The following HELZ variants were observed in gnomAD, a reference collection of about 807,000 sequenced individuals.
HELZ encodes the protein ATP-dependent RNA helicase with zinc finger domain.
A neutral mutation model predicts 218.2 loss-of-function variants in HELZ; 23 were observed. The observed-to-expected ratio is 0.11, with a 90% CI of 0.08 to 0.15. The LOEUF (loss-of-function observed/expected upper bound fraction) is 0.15. Among genes scored for constraint, HELZ ranks in the 10% least tolerant of loss-of-function variants. HELZ has a pLI of 1.00. For synonymous variants in HELZ, 814 were observed against 829.4 expected (o/e 0.98, Z 0.32); for missense variants, 1,813 against 2,353.7 (o/e 0.77, Z 4.75).
At chr17:67,235,960 T>C (rs545445351) in intron 3 of HELZ, among the ~76,000 whole-genome samples, 128 of 152,006 alleles carry the variant, frequency 8.4e-4, no homozygotes, top group South Asian at 4.1e-3. Flanking sequence ...CGGGGTTTCA[T>C]CGTGTTAGCC....
chr17:67,194,865 C>T (rs1174552324), intron 8 of HELZ, among the ~76,000 whole-genome samples: 2 of 152,176 alleles, frequency 1.3e-5, no homozygotes, highest in African/African-American at 4.8e-5. Flanking sequence ...TTTAGGGCAA[C>T]TCATAAACCT....
chr17:67,191,041 A>G (rs1306920638), intron 9 of HELZ, among the ~76,000 whole-genome samples: 2 of 150,498 alleles, frequency 1.3e-5, no homozygotes, highest in African/African-American at 2.5e-5. Context: ...ACTGACATCA[A>G]GTGGATTTGC....
chr17:67,125,056 A>T (rs773336091), intron 24 of HELZ, among the ~76,000 whole-genome samples: 4 of 151,618 alleles, frequency 2.6e-5, no homozygotes, highest in Non-Finnish European at 5.9e-5. Context: ...TGACAAAAGC[A>T]AAAATACAAT....
At chr17:67,183,458 T>C (rs1040924587) in intron 12 of HELZ, among the ~76,000 whole-genome samples, 13 of 152,246 alleles carry the variant, frequency 8.5e-5, no homozygotes, top group Admixed American at 2.6e-4. Context: ...TATGTAGATA[T>C]ATAATATGTT....
chr17:67,161,142 G>T, intron 15 of HELZ, 66 bp from the exon 16 acceptor site: 1 of 1,219,476 alleles, frequency 8.2e-7, no homozygotes, highest in African/African-American at 1.5e-5. Flanking sequence ...TAACACACGA[G>T]TATCGTGAAT....
chr17:67,222,731 A>C (rs2040780602), intron 3 of HELZ, among the ~76,000 whole-genome samples: 1 of 152,230 alleles, frequency 6.6e-6, no homozygotes. Flanking sequence ...CATAAAAGCA[A>C]AACTGTCTGT....
chr17:67,103,991 G>T (rs1228869788), intron 31 of HELZ, among the ~76,000 whole-genome samples: 2 of 152,136 alleles, frequency 1.3e-5, no homozygotes, highest in East Asian at 3.8e-4. Flanking sequence ...TATTCAATGG[G>T]GGAAAGGAGT....
upstream of HELZ, chr17:67,245,232 CT>C: frequency 1.0e-6 from 1 of 985,186 alleles, no homozygotes; most frequent in Non-Finnish European, 1.2e-6. Flanking sequence ...TTTAAAGTGA[CT>C]CCCCCCGGCC....
At chr17:67,138,627 C>G (rs941167474) in intron 21 of HELZ, among the ~76,000 whole-genome samples, 1 of 152,186 alleles carries the variant, frequency 6.6e-6, no homozygotes, top group African/African-American at 2.4e-5. Flanking sequence ...CCAACAGCCA[C>G]CAATTGACAA....
intron 32 of HELZ, among the ~76,000 whole-genome samples, 180 bp downstream of exon 32, chr17:67,086,649 T>A (rs962362544): frequency 2.2e-5 from 3 of 135,490 alleles, no homozygotes; most frequent in African/African-American, 8.3e-5. Context: ...TATATATATA[T>A]ATATATATAT....
At chr17:67,137,720 T>C (rs573644661) in intron 22 of HELZ, among the ~76,000 whole-genome samples, 1 of 152,308 alleles carries the variant, frequency 6.6e-6, no homozygotes, top group Admixed American at 6.5e-5. Flanking sequence ...ACAGAAAAGG[T>C]ATATTTGTTA....
rs1369686470 is a variant in HELZ, at chr17:67,089,666, TATAGAGAG to T, written c.5242-2593_5242-2586del. On this transcript the variant is annotated intron_variant, in intron 31 of 32. Coordinates refer to ENST00000358691, the MANE Select transcript of HELZ (RefSeq NM_014877.4). The stretch of plus-strand genomic sequence containing the variant: ...GAGATTTTATATATATATATATATA[TATAGAGAG>T]AGAGAGAGAGAGAGAGAGAGAGAGA... 2.7e-4 allele frequency among the ~76,000 whole-genome samples: 15 copies of T among 54,828 alleles called. No individual in the cohort carries two copies. The East Asian group carries it at 6.7e-3, about 25-fold the overall frequency. The allele number at this position is 54,828 out of a possible 152,430, so 36.0% of individuals were successfully genotyped here.
chr17:67,109,807 C>T, intron 28 of HELZ, 121 bp from the exon 29 acceptor site: 1 of 653,674 alleles, frequency 1.5e-6, no homozygotes, highest in Non-Finnish European at 2.5e-6. Context: ...AGCAGGAGAG[C>T]TGAGTGCTCA....
chr17:67,182,151 T>C (rs1049009280), intron 12 of HELZ, among the ~76,000 whole-genome samples: 1 of 152,022 alleles, frequency 6.6e-6, no homozygotes, highest in Non-Finnish European at 1.5e-5. Context: ...CACTGGAAAA[T>C]TGAGAAGTGG....
chr17:67,163,981 A>G lies in HELZ; in HGVS notation c.1895+2497T>C, dbSNP rs547242630. ...CAGTAGTATTTAAATATACTACATC[A>G]TATACAATGTAATTTTCAGAAGTGA... On this transcript the variant is annotated intron_variant, in intron 15 of 32. Transcript: ENST00000358691. Among the ~76,000 whole-genome samples the G allele has an allele frequency of 3.3e-5, 5 of 152,352 alleles. No individual in the cohort carries two copies. In the East Asian group the frequency reaches 9.6e-4, roughly 29 times the overall value.
At chr17:67,081,770 C>A (rs1010745715) in intron 32 of HELZ, among the ~76,000 whole-genome samples, 10 of 152,072 alleles carry the variant, frequency 6.6e-5, no homozygotes, top group African/African-American at 1.9e-4. Context: ...GGCTGGATTT[C>A]TTTTCCCAGA....
At chr17:67,214,264 T>TTG (rs1394226697) in intron 5 of HELZ, among the ~76,000 whole-genome samples, 1 of 121,226 alleles carries the variant, frequency 8.2e-6, no homozygotes, top group Non-Finnish European at 1.9e-5. Flanking sequence ...TATTTCTTTT[T>TTG]TTTTTTTTTT....
chr17:67,086,631 A>AATTATATAT (rs1555594210), intron 32 of HELZ, among the ~76,000 whole-genome samples, 198 bp downstream of exon 32: 1 of 93,318 alleles, frequency 1.1e-5, no homozygotes, highest in African/African-American at 4.8e-5. Context: ...TATAAATATA[A>AATTATATAT]ATATATATAT....
At chr17:67,232,368 G>A (rs1052559590) in intron 3 of HELZ, among the ~76,000 whole-genome samples, 4 of 152,108 alleles carry the variant, frequency 2.6e-5, no homozygotes, top group East Asian at 1.9e-4. Context: ...CGGCCAGGCC[G>A]GTCTCCAACT....
Sources: allele counts gnomAD v4.1 joint callset (sites outside exome capture counted in the v4.1 genomes callset), GRCh38; gene constraint gnomAD v4.1.1; transcripts MANE v1.5; gene names NCBI Gene and HGNC (gene_info 2026-07-23, HGNC 2026-07-21).